The following NPLOC4 variants were observed in gnomAD, a reference collection of about 807,000 sequenced individuals.
NPLOC4 encodes NPL4 homolog, ubiquitin recognition factor, also known as nuclear protein localization protein 4 homolog.
Under a neutral mutation model 80.6 loss-of-function variants are expected in NPLOC4, and 18 were observed. The ratio of observed to expected loss-of-function variants is 0.22; its 90% CI spans 0.15 to 0.33. The LOEUF (loss-of-function observed/expected upper bound fraction) is 0.33, where lower values mean the gene tolerates loss of function less well. NPLOC4 is among the 10% of genes least tolerant of loss of function. The pLI is 1.00. For synonymous variants in NPLOC4, 313 were observed against 301.5 expected, an observed-to-expected ratio of 1.04 and a Z score of -0.39; for missense variants, 540 against 786.1, an observed-to-expected ratio of 0.69 and a Z score of 3.74.
chr17:81,632,125 A>G (rs2035948038), intron 1 of NPLOC4, among the ~76,000 whole-genome samples: 1 of 149,854 alleles, frequency 6.7e-6, no homozygotes, highest in African/African-American at 2.5e-5. Context: ...ACAGGCGTGC[A>G]CCACCAAGCC....
chr17:81,613,353 C>T lies in NPLOC4; in HGVS notation c.351G>A (p.Gln117=). The T allele has an allele frequency of 6.2e-7, 1 of 1,613,878 alleles. No homozygotes were observed. The highest frequency in any genetic ancestry group is 1.3e-5 in the African/African-American group (1 of 75,012). Residue 117 remains glutamine, a synonymous_variant, in exon 4 of 17, where the codon CAG becomes CAA. Transcript: ENST00000331134. The part of the protein sequence containing the change: ...EDEIDQYLSK[Q]DGKIYRSRDP... ...CTCGGCTTCTGTAAATCTTCCCGTC[C>T]TGTTTGCTGAGGTACTGATCAATCT...
At chr17:81,609,112 T>C (rs2035279047) in intron 5 of NPLOC4, among the ~76,000 whole-genome samples, 2 of 152,186 alleles carry the variant, frequency 1.3e-5, no homozygotes, top group South Asian at 2.1e-4. Context: ...CCTCCACCTC[T>C]GGGTTCAAGC....
At chr17:81,611,959 C>CAAAAA (rs11401963) in intron 4 of NPLOC4, among the ~76,000 whole-genome samples, 1 of 104,262 alleles carries the variant, frequency 9.6e-6, no homozygotes, top group Non-Finnish European at 1.9e-5. Flanking sequence ...GAGTCCATCT[C>CAAAAA]AAAAAAAAAA....
intron 3 of NPLOC4, among the ~76,000 whole-genome samples, chr17:81,616,030 A>G (rs542143880): frequency 6.6e-6 from 1 of 152,344 alleles, no homozygotes; most frequent in South Asian, 2.1e-4. Flanking sequence ...AAAAGCTGCT[A>G]AATCTGGGCC....
chr17:81,591,461 A>C (rs917484414), intron 11 of NPLOC4, among the ~76,000 whole-genome samples: 1 of 150,826 alleles, frequency 6.6e-6, no homozygotes, highest in African/African-American at 2.4e-5. Context: ...AAAAAAAAAA[A>C]AAAAAAAAAA....
At chr17:81,621,316 T>C (rs73369283) in intron 3 of NPLOC4, among the ~76,000 whole-genome samples, 10,531 of 152,236 alleles carry the variant, frequency 0.069, 558 homozygotes, top group East Asian at 0.22. Flanking sequence ...TACAATTGCA[T>C]GTTGTGTCCC....
intron 2 of NPLOC4, among the ~76,000 whole-genome samples, chr17:81,627,016 G>T (rs2035812192): frequency 6.6e-6 from 1 of 151,808 alleles, no homozygotes; most frequent in African/African-American, 2.4e-5. Context: ...CTTGAACCCG[G>T]GAGGCGGAGG....
intron 8 of NPLOC4, 84 bp downstream of exon 8, chr17:81,604,464 G>C: frequency 7.8e-7 from 1 of 1,275,734 alleles, no homozygotes; most frequent in East Asian, 2.5e-5. Flanking sequence ...ACAACAAAGC[G>C]AACAGGGCAA....
chr17:81,595,801 C>T (rs866418206), intron 11 of NPLOC4, among the ~76,000 whole-genome samples: 1 of 152,126 alleles, frequency 6.6e-6, no homozygotes, highest in South Asian at 2.1e-4. Flanking sequence ...ACCTGGGCCT[C>T]CCAAAGTGCT....
chr17:81,564,017 T>C (rs1251268554), intron 16 of NPLOC4: 1 of 432,748 alleles, frequency 2.3e-6, no homozygotes, highest in African/African-American at 2.1e-5. Flanking sequence ...GGAGGCAGAG[T>C]TTGCAGTGAG....
intron 12 of NPLOC4, among the ~76,000 whole-genome samples, chr17:81,581,374 A>AGC (rs1220656592): frequency 1.6e-5 from 1 of 62,800 alleles, no homozygotes; most frequent in African/African-American, 4.5e-5. Context: ...AAAAAAAAAA[A>AGC]AAGTTAATAA....
At chr17:81,594,276 A>G (rs1199544312) in intron 11 of NPLOC4, among the ~76,000 whole-genome samples, 1 of 44,170 alleles carries the variant, frequency 2.3e-5, no homozygotes, top group African/African-American at 6.9e-5. Flanking sequence ...CTCCGTCTCA[A>G]AAAAAAAAAA....
intron 11 of NPLOC4, among the ~76,000 whole-genome samples, chr17:81,594,000 G>A (rs972408568): frequency 2.0e-5 from 3 of 152,088 alleles, no homozygotes; most frequent in South Asian, 2.1e-4. Context: ...TCGGCCGGGC[G>A]CAGTGGCTCA....
At chr17:81,593,381 C>T (rs2034803698) in intron 11 of NPLOC4, among the ~76,000 whole-genome samples, 1 of 152,068 alleles carries the variant, frequency 6.6e-6, no homozygotes, top group Non-Finnish European at 1.5e-5. Flanking sequence ...AGTACGGATC[C>T]TGCTGTGCTG....
At chr17:81,589,271 C>T (rs754053952) in intron 11 of NPLOC4, among the ~76,000 whole-genome samples, 167 bp from the exon 12 acceptor site, 40 of 152,146 alleles carry the variant, frequency 2.6e-4, no homozygotes, top group Non-Finnish European at 3.1e-4. Flanking sequence ...TGGCTCATGC[C>T]TGTAATCCCA....
At chr17:81,584,642 T>C (rs930997841) in intron 12 of NPLOC4, among the ~76,000 whole-genome samples, 5 of 152,116 alleles carry the variant, frequency 3.3e-5, no homozygotes, top group East Asian at 1.9e-4. Flanking sequence ...ATAATACGTG[T>C]AGGAAATGCG....
intron 13 of NPLOC4, among the ~76,000 whole-genome samples, chr17:81,569,710 G>A (rs556242954): frequency 1.3e-5 from 2 of 152,306 alleles, no homozygotes; most frequent in East Asian, 3.9e-4. Flanking sequence ...ACAGGGTTCA[G>A]CTCTTCTCTC....
chr17:81,588,822 G>T, intron 12 of NPLOC4, 122 bp downstream of exon 12: 1 of 797,786 alleles, frequency 1.3e-6, no homozygotes. Flanking sequence ...TTAGTGACAA[G>T]CAGGGTTCAA....
intron 10 of NPLOC4, among the ~76,000 whole-genome samples, chr17:81,596,551 G>C (rs770894633): frequency 1.6e-4 from 24 of 152,270 alleles, no homozygotes; most frequent in Admixed American, 3.9e-4. Context: ...GTGCAACACA[G>C]CAAGACTCTG....
Sources: allele counts gnomAD v4.1 joint callset (sites outside exome capture counted in the v4.1 genomes callset), GRCh38; gene constraint gnomAD v4.1.1; transcripts MANE v1.5; gene names NCBI Gene and HGNC (gene_info 2026-07-23, HGNC 2026-07-21).